The following FREM2 variants were observed in gnomAD, a reference collection of about 807,000 sequenced individuals.
The protein encoded by FREM2 is FRAS1-related extracellular matrix protein 2.
Under a neutral mutation model 219.9 loss-of-function variants are expected in FREM2, and 119 were observed. That is an observed-to-expected ratio of 0.54 (90% CI 0.47 to 0.63). The LOEUF (loss-of-function observed/expected upper bound fraction) is 0.63. Ranked by LOEUF, FREM2 falls within the 30% of genes least tolerant of loss-of-function variation. FREM2 has a pLI of 0.00. For missense variants in FREM2, 4,030 were observed against 3,993.6 expected, an observed-to-expected ratio of 1.01 and a Z score of -0.25; for synonymous variants, 1,562 against 1,522.8, an observed-to-expected ratio of 1.03 and a Z score of -0.60.
At chr13:38,738,362 T>A (rs1017133207) in intron 2 of FREM2, among the ~76,000 whole-genome samples, 1 of 151,720 alleles carries the variant, frequency 6.6e-6, no homozygotes, top group Non-Finnish European at 1.5e-5. Context: ...GGTCAGGAGT[T>A]CAAAAGCATC....
intron 2 of FREM2, among the ~76,000 whole-genome samples, chr13:38,717,412 C>CTT (rs386378868): frequency 0.014 from 1,237 of 90,138 alleles, 97 homozygotes; most frequent in African/African-American, 0.044. Flanking sequence ...TACATAAGTA[C>CTT]TTTTTTTTTT....
chr13:38,713,914 G>C (rs1870879564), intron 2 of FREM2, among the ~76,000 whole-genome samples: 1 of 152,190 alleles, frequency 6.6e-6, no homozygotes, highest in African/African-American at 2.4e-5. Context: ...ATATCTAGTG[G>C]GTAGAGAGGC....
chr13:38,762,286 C>T (rs1873256153), intron 2 of FREM2, among the ~76,000 whole-genome samples: 1 of 152,158 alleles, frequency 6.6e-6, no homozygotes, highest in South Asian at 2.1e-4. Context: ...GACTCCAGTT[C>T]TGAGGAGCCT....
chr13:38,784,837 T>C (rs765221974), intron 6 of FREM2, 29 bp downstream of exon 6: 14 of 1,612,262 alleles, frequency 8.7e-6, no homozygotes, highest in Non-Finnish European at 1.2e-5. Flanking sequence ...GAAAATTCTT[T>C]TTCCCGGGAA....
intron 6 of FREM2, among the ~76,000 whole-genome samples, chr13:38,805,611 T>A (rs1004522703): frequency 1.3e-5 from 2 of 151,844 alleles, no homozygotes; most frequent in Non-Finnish European, 2.9e-5. Flanking sequence ...GTAGATGACA[T>A]CTACAAGAAA....
In FREM2 at chr13:38,757,713, G is replaced by T. The variant is rs1344191711; in HGVS notation, c.5264-6591G>T. ...AGGTTCAAGCAATTCTCCTGTCTCA[G>T]CCTCCTGAGTAGCTGGGATTACACC... On this transcript the variant is annotated intron_variant, in intron 2 of 23. Coordinates refer to ENST00000280481, the MANE Select transcript of FREM2 (RefSeq NM_207361.6). Among the ~76,000 whole-genome samples the T allele has an allele frequency of 2.6e-5, 4 of 151,962 alleles. No individual in the cohort carries two copies. In the South Asian group the frequency reaches 6.2e-4, roughly 24 times the overall value.
intron 7 of FREM2, among the ~76,000 whole-genome samples, chr13:38,847,894 T>C (rs1877222739): frequency 6.6e-6 from 1 of 152,094 alleles, no homozygotes; most frequent in Non-Finnish European, 1.5e-5. Flanking sequence ...TGAAAAATAT[T>C]AAATTAAAGA....
chr13:38,849,897 A>G, intron 8 of FREM2, 141 bp from the exon 9 acceptor site: 1 of 740,350 alleles, frequency 1.4e-6, no homozygotes. Context: ...CTCAAGGTCA[A>G]AATATTGGCA....
chr13:38,839,780 C>G (rs915023372), intron 6 of FREM2, among the ~76,000 whole-genome samples: 6 of 152,118 alleles, frequency 3.9e-5, no homozygotes, highest in African/African-American at 1.4e-4. Context: ...CTACTCAAGC[C>G]TCAATAATGG....
At chr13:38,737,994 A>G (rs1872068802) in intron 2 of FREM2, among the ~76,000 whole-genome samples, 1 of 152,158 alleles carries the variant, frequency 6.6e-6, no homozygotes, top group South Asian at 2.1e-4. Context: ...CCATTGAAGA[A>G]AGATAAGGAT....
rs148161879 is a variant in FREM2, at chr13:38,721,119, A to G, written c.5263+23332A>G. On this transcript the variant is annotated intron_variant, in intron 2 of 23. Coordinates refer to ENST00000280481, the MANE Select transcript of FREM2 (RefSeq NM_207361.6). ...CACCATGGCACAAGTTTACATATGT[A>G]ACAAACCTACACATCCTGCACATGT... is the stretch of plus-strand genomic sequence containing the variant. Among the ~76,000 whole-genome samples the G allele has an allele frequency of 5.9e-4, 90 of 152,302 alleles. No individual in the cohort carries two copies. The East Asian group carries it at 0.015, about 25-fold the overall frequency.
intron 17 of FREM2, 93 bp from the exon 18 acceptor site, chr13:38,874,389 C>A: frequency 1.0e-6 from 1 of 970,448 alleles, no homozygotes; most frequent in Non-Finnish European, 1.7e-6. Flanking sequence ...TGTTTAAAGA[C>A]AAGTCAAACC....
chr13:38,773,972 T>A lies in FREM2; in HGVS notation c.5641+4164T>A, dbSNP rs565006784. Among the ~76,000 whole-genome samples, 557 of 150,576 alleles carry A rather than the reference T, an allele frequency of 3.7e-3. 3 individuals carry two copies. Among genetic ancestry groups the A allele is most frequent in the East Asian group, 0.035 (181 of 5,136 alleles). On this transcript the variant is annotated intron_variant, in intron 4 of 23. Coordinates refer to ENST00000280481, the MANE Select transcript of FREM2 (RefSeq NM_207361.6). ...TGCCAGAGGCAGTATTTAAAAAAAA[T>A]ATGTATAAAATATATAATAAAACTA... is the stretch of plus-strand genomic sequence containing the variant.
chr13:38,794,665 T>A (rs528254062), intron 6 of FREM2, among the ~76,000 whole-genome samples: 24 of 152,254 alleles, frequency 1.6e-4, no homozygotes, highest in Admixed American at 4.6e-4. Flanking sequence ...CGTTTTTTTT[T>A]AATAAATTGA....
At chr13:38,817,309 TA>T (rs1243968400) in intron 6 of FREM2, among the ~76,000 whole-genome samples, 1 of 152,014 alleles carries the variant, frequency 6.6e-6, no homozygotes, top group African/African-American at 2.4e-5. Context: ...CACTTCAAAA[TA>T]TACTACAAAG....
rs746416568 is a variant in FREM2 at position 38,764,347 on chromosome 13, A to C, written c.5307A>C (p.Ala1769=). 1 of 1,611,118 alleles carries C rather than the reference A, an allele frequency of 6.2e-7. No homozygotes were observed. ...ACCAGAATTTTCGTCTGAATTGGGC[A>C]TGGATCTCCTTTGAAAAGGAATATT... ...LTYQNFRLNW[A]WISFEKEYYL... The change falls in exon 3 of 24, where the codon GCA becomes GCC. Residue 1769 remains alanine, a synonymous_variant. Coordinates refer to ENST00000280481, the MANE Select transcript of FREM2 (RefSeq NM_207361.6).
At position 38,820,451 on chromosome 13, in the gene FREM2, G is replaced by A. The variant is rs1045697141; in HGVS notation, c.6020-26122G>A. The stretch of plus-strand genomic sequence containing the variant: ...GAAGCAGTTTACTAAACATTTATAG[G>A]AACCTCAAGATCTCAGTCACAGAAA... On this transcript the variant is annotated intron_variant, in intron 6 of 23. Coordinates refer to ENST00000280481, the MANE Select transcript of FREM2 (RefSeq NM_207361.6). 6.6e-5 allele frequency among the ~76,000 whole-genome samples: 10 copies of A among 151,918 alleles called. No individual in the cohort carries two copies. The East Asian group carries it at 1.7e-3, about 26-fold the overall frequency.
intron 6 of FREM2, among the ~76,000 whole-genome samples, chr13:38,837,169 T>A (rs1422975491): frequency 6.6e-6 from 1 of 152,224 alleles, no homozygotes; most frequent in East Asian, 1.9e-4. Flanking sequence ...TCAAATAACT[T>A]ACTTCTTCCT....
intron 4 of FREM2, among the ~76,000 whole-genome samples, chr13:38,778,216 T>G (rs985930264): frequency 6.6e-6 from 1 of 152,240 alleles, no homozygotes; most frequent in Non-Finnish European, 1.5e-5. Flanking sequence ...CTCAGGCTGC[T>G]ATAACAAAAT....
Sources: gnomAD v4.1 joint callset for allele counts (sites outside exome capture counted in the v4.1 genomes callset) on GRCh38, gnomAD v4.1.1 for gene constraint, MANE v1.5 for transcripts, NCBI Gene and HGNC (gene_info 2026-07-23, HGNC 2026-07-21) for gene names.